Variants in LNX2 observed in about 807,000 individuals in gnomAD.
The protein encoded by LNX2 is ligand of numb-protein X 2.
In LNX2, 35 loss-of-function variants were observed where a neutral mutation model predicts 66.2. That is an observed-to-expected ratio of 0.53 (90% CI 0.40 to 0.70). LNX2 has a LOEUF of 0.70. Among genes scored for constraint, LNX2 ranks in the 30% least tolerant of loss-of-function variants. The pLI is 0.00. For synonymous variants in LNX2, 337 were observed against 315.6 expected (o/e 1.07, Z -0.72); for missense variants, 791 against 850.8 (o/e 0.93, Z 0.87).
At chr13:27,558,298 G>T (rs1252629436) in intron 6 of LNX2, among the ~76,000 whole-genome samples, 1 of 151,404 alleles carries the variant, frequency 6.6e-6, no homozygotes, top group African/African-American at 2.4e-5. Flanking sequence ...CATTTCAAGT[G>T]GTTTTTCTAA....
intron 9 of LNX2, among the ~76,000 whole-genome samples, chr13:27,550,071 T>C (rs1954987406): frequency 6.6e-6 from 1 of 152,214 alleles, no homozygotes; most frequent in Non-Finnish European, 1.5e-5. Flanking sequence ...AGATCGGGAT[T>C]GGCAAATTTT....
In LNX2 at chr13:27,548,069, C is replaced by A; in HGVS notation, c.*266G>T. The A allele has an allele frequency of 5.0e-6, 2 of 403,076 alleles. No homozygotes were observed. Among genetic ancestry groups the A allele is most frequent in the South Asian group, 3.2e-5 (1 of 31,224 alleles). The allele number at this position is 403,076 out of a possible 1,614,324, so 25.0% of individuals were successfully genotyped here. On this transcript the variant is annotated 3_prime_UTR_variant, in exon 10 of 10. Coordinates refer to ENST00000316334, the MANE Select transcript of LNX2 (RefSeq NM_153371.4). ...CAGTTTGGGTGAGCTTTGCTCATTA[C>A]CATAGGTAACATTTTAACAACTAAG...
Position 27,583,226 on chromosome 13 carries a change from G to GTGCGCGCGCGTCCTCTCCTATATAACTT in LNX2, c.-100-1424_-100-1423insAAGTTATATAGGAGAGGACGCGCGCGCA, listed in dbSNP as rs1555268491. Among the ~76,000 whole-genome samples the GTGCGCGCGCGTCCTCTCCTATATAACTT allele has an allele frequency of 6.2e-3, 182 of 29,512 alleles. 21 individuals carry two copies. Among genetic ancestry groups the GTGCGCGCGCGTCCTCTCCTATATAACTT allele is most frequent in the South Asian group, 0.016 (12 of 752 alleles). 19.4% of individuals were successfully genotyped at this position (29,512 alleles called of 152,430 possible). The stretch of plus-strand genomic sequence containing the variant: ...TGTGTGTGTGTGTGTGTGTGTGTGT[G>GTGCGCGCGCGTCCTCTCCTATATAACTT]TGTGTGTGTGTGTGTGTGTGTGTGT... On this transcript the variant is annotated intron_variant, in intron 1 of 9. Transcript: ENST00000316334.
At chr13:27,612,712 C>T (rs1223438405) in intron 1 of LNX2, among the ~76,000 whole-genome samples, 1 of 152,134 alleles carries the variant, frequency 6.6e-6, no homozygotes, top group Non-Finnish European at 1.5e-5. Flanking sequence ...GATCCTCCCA[C>T]CTTAGCCTCC....
chr13:27,606,858 A>G (rs996487763), intron 1 of LNX2, among the ~76,000 whole-genome samples: 1 of 152,214 alleles, frequency 6.6e-6, no homozygotes, highest in Admixed American at 6.5e-5. Context: ...AGCAGTCAAG[A>G]TTGGTTCTTA....
At chr13:27,606,064 C>T (rs138861939) in intron 1 of LNX2, among the ~76,000 whole-genome samples, 37 of 152,200 alleles carry the variant, frequency 2.4e-4, no homozygotes, top group African/African-American at 7.7e-4. Flanking sequence ...AATATTAAAA[C>T]TGTAAAGGGA....
Position 27,562,527 on chromosome 13 carries a change from C to A in LNX2, c.1110G>T (p.Leu370Phe). The A allele has an allele frequency of 1.9e-6, 3 of 1,614,164 alleles. No homozygotes were observed. The highest frequency in any genetic ancestry group is 2.5e-6 in the Non-Finnish European group (3 of 1,180,028). The part of the protein sequence containing the change: ...DEPGVFILDL[L>F]EGGLAAQDGR... ...CGTCCTGGGCAGCCAACCCCCCTTC[C>A]AACAGGTCAAGAATAAAAACCCCTG... The change falls in exon 5 of 10, where the codon TTG (leucine) becomes TTT (phenylalanine). Residue 370 changes from leucine (L) to phenylalanine (F), a missense_variant. Transcript: ENST00000316334.
At chr13:27,559,305 T>G (rs1462517120) in intron 6 of LNX2, among the ~76,000 whole-genome samples, 1 of 152,142 alleles carries the variant, frequency 6.6e-6, no homozygotes, top group African/African-American at 2.4e-5. Context: ...CCTCTAAGCT[T>G]TAACATAAAA....
Position 27,569,016 on chromosome 13 carries a change from G to A in LNX2, c.655+13C>T. Reference sequence around the variant, plus strand: ...ATAGAGATGAAATACACAAGGAGTTGCACCACACATACTGTCAGCTCCAGC... The same window carrying A: ...ATAGAGATGAAATACACAAGGAGTTACACCACACATACTGTCAGCTCCAGC... On this transcript the variant is annotated intron_variant, in intron 3 of 9. Coordinates refer to ENST00000316334, the MANE Select transcript of LNX2 (RefSeq NM_153371.4). 6.2e-7 allele frequency: 1 copy of A among 1,607,246 alleles called. No homozygotes were observed.
chr13:27,584,454 T>C (rs987312821), intron 1 of LNX2, among the ~76,000 whole-genome samples: 7 of 150,080 alleles, frequency 4.7e-5, no homozygotes, highest in African/African-American at 1.7e-4. Context: ...CTCAGGAGGC[T>C]GAGGTGGGAC....
At chr13:27,570,868 T>G (rs1031382212) in intron 2 of LNX2, among the ~76,000 whole-genome samples, 1 of 152,136 alleles carries the variant, frequency 6.6e-6, no homozygotes, top group African/African-American at 2.4e-5. Context: ...TATGTACACC[T>G]GGGAATCAGT....
intron 1 of LNX2, among the ~76,000 whole-genome samples, chr13:27,619,909 G>A (rs540285293): frequency 3.3e-5 from 5 of 152,186 alleles, no homozygotes; most frequent in Non-Finnish European, 7.4e-5. Flanking sequence ...CTGGGGCGGA[G>A]GGAATGATCT....
At chr13:27,605,808 A>T (rs1955708303) in intron 1 of LNX2, among the ~76,000 whole-genome samples, 1 of 152,200 alleles carries the variant, frequency 6.6e-6, no homozygotes, top group African/African-American at 2.4e-5. Context: ...GCAGTTGCAC[A>T]ATTCTGTCCA....
At chr13:27,595,667 C>T (rs911176336) in intron 1 of LNX2, among the ~76,000 whole-genome samples, 1 of 152,206 alleles carries the variant, frequency 6.6e-6, no homozygotes, top group Admixed American at 6.5e-5. Context: ...ATATCTGTCT[C>T]TATGTCCACC....
chr13:27,590,777 T>C (rs1210272124), intron 1 of LNX2, among the ~76,000 whole-genome samples: 5 of 152,020 alleles, frequency 3.3e-5, no homozygotes, highest in South Asian at 2.1e-4. Flanking sequence ...GTAAAGGAAA[T>C]AGAACTAAAA....
At chr13:27,619,105 T>C (rs1434425675) in intron 1 of LNX2, among the ~76,000 whole-genome samples, 1 of 152,184 alleles carries the variant, frequency 6.6e-6, no homozygotes, top group Non-Finnish European at 1.5e-5. Flanking sequence ...AGAAACAAGA[T>C]ATATGGAGAA....
At position 27,583,260 on chromosome 13, in the gene LNX2, G is replaced by GCA. The variant is rs1955440623; in HGVS notation, c.-100-1458_-100-1457insTG. The stretch of plus-strand genomic sequence containing the variant: ...TGTGTGTGTGTGTGTGTGTGTGCGC[G>GCA]CGTCCTCTCCAACATACTTATTTTT... On this transcript the variant is annotated intron_variant, in intron 1 of 9. Coordinates refer to ENST00000316334, the MANE Select transcript of LNX2 (RefSeq NM_153371.4). Among the ~76,000 whole-genome samples the GCA allele has an allele frequency of 6.9e-5, 6 of 87,308 alleles. 2 individuals are homozygous for GCA. The highest frequency in any genetic ancestry group is 5.5e-4 in the East Asian group (2 of 3,664). The allele number at this position is 87,308 out of a possible 152,430, so 57.3% of individuals were successfully genotyped here.
intron 8 of LNX2, among the ~76,000 whole-genome samples, chr13:27,550,957 G>A (rs1340647599): frequency 6.6e-6 from 1 of 152,126 alleles, no homozygotes; most frequent in African/African-American, 2.4e-5. Flanking sequence ...CGAAAAGAAG[G>A]CAGATAATTA....
At chr13:27,584,457 G>A (rs1045957241) in intron 1 of LNX2, among the ~76,000 whole-genome samples, 5 of 151,196 alleles carry the variant, frequency 3.3e-5, no homozygotes, top group Middle Eastern at 3.2e-3. Flanking sequence ...AGGAGGCTGA[G>A]GTGGGACGAT....
Sources: allele counts gnomAD v4.1 joint callset (sites outside exome capture counted in the v4.1 genomes callset), GRCh38; gene constraint gnomAD v4.1.1; transcripts MANE v1.5; gene names NCBI Gene and HGNC (gene_info 2026-07-23, HGNC 2026-07-21).